MOB3B: variants seen among roughly 807,000 people sequenced by gnomAD.
The protein encoded by MOB3B is MOB kinase activator-like 2B.
MOB3B carries 7 observed loss-of-function variants against 18.7 expected under a neutral mutation model. The ratio of observed to expected loss-of-function variants is 0.37; its 90% CI spans 0.21 to 0.70. The LOEUF is 0.70. Ranked by LOEUF, MOB3B falls within the 30% of genes least tolerant of loss-of-function variation. The probability of loss-of-function intolerance (pLI) is 0.52; values close to 1 mark genes in which losing one functional copy is unlikely to be tolerated. For missense variants in MOB3B, 253 were observed against 281.3 expected (o/e 0.90, Z 0.72); for synonymous variants, 111 against 99.9 (o/e 1.11, Z -0.66).
chr9:27,442,607 A>G (rs1822610060), intron 2 of MOB3B, among the ~76,000 whole-genome samples: 1 of 152,060 alleles, frequency 6.6e-6, no homozygotes, highest in South Asian at 2.1e-4. Flanking sequence ...ACTGCTATTC[A>G]CCTTGGCTCC....
chr9:27,418,478 A>G (rs1397624815), intron 2 of MOB3B, among the ~76,000 whole-genome samples: 2 of 152,210 alleles, frequency 1.3e-5, no homozygotes, highest in Non-Finnish European at 2.9e-5. Flanking sequence ...TATCAAGAAG[A>G]TAATCCACCA....
intron 1 of MOB3B, among the ~76,000 whole-genome samples, chr9:27,513,758 A>C (rs969289543): frequency 6.6e-6 from 1 of 152,164 alleles, no homozygotes; most frequent in African/African-American, 2.4e-5. Context: ...CATAGCACTT[A>C]TAAAGCCTGG....
chr9:27,482,189 G>T (rs537082173), intron 1 of MOB3B, among the ~76,000 whole-genome samples: 1 of 152,126 alleles, frequency 6.6e-6, no homozygotes, highest in Admixed American at 6.5e-5. Flanking sequence ...TGTAATTTCC[G>T]CCCTGTTCAA....
At chr9:27,424,829 T>C (rs1485847824) in intron 2 of MOB3B, among the ~76,000 whole-genome samples, 1 of 152,160 alleles carries the variant, frequency 6.6e-6, no homozygotes, top group East Asian at 1.9e-4. Context: ...GGTGCATCAG[T>C]AGTAGCCATC....
intron 3 of MOB3B, among the ~76,000 whole-genome samples, chr9:27,344,395 T>C (rs1021023766): frequency 1.3e-5 from 2 of 152,218 alleles, no homozygotes; most frequent in African/African-American, 4.8e-5. Context: ...CTCCTTCTTT[T>C]AATGCAAAAT....
At chr9:27,526,575 G>C (rs1352233047) in intron 1 of MOB3B, 1 of 152,218 alleles carries the variant, frequency 6.6e-6, no homozygotes, top group Non-Finnish European at 1.5e-5. Context: ...CTGGAGGAAA[G>C]AGAATGGCTG....
At chr9:27,379,820 C>T (rs1302841116) in intron 2 of MOB3B, among the ~76,000 whole-genome samples, 1 of 152,180 alleles carries the variant, frequency 6.6e-6, no homozygotes, top group Non-Finnish European at 1.5e-5. Flanking sequence ...CTAACTATTT[C>T]TTTGGTCTAA....
At chr9:27,451,573 G>A (rs1048756874) in intron 2 of MOB3B, among the ~76,000 whole-genome samples, 1 of 152,138 alleles carries the variant, frequency 6.6e-6, no homozygotes, top group Non-Finnish European at 1.5e-5. Context: ...AGCTAACTAA[G>A]GATGAAGCTT....
intron 1 of MOB3B, among the ~76,000 whole-genome samples, chr9:27,463,951 T>A (rs1819335401): frequency 6.6e-6 from 1 of 151,912 alleles, no homozygotes; most frequent in Admixed American, 6.6e-5. Context: ...CATGAGACCC[T>A]GTCTCAAAAA....
chr9:27,455,809 T>A, intron 1 of MOB3B, 61 bp from the exon 2 acceptor site: 1 of 1,363,682 alleles, frequency 7.3e-7, no homozygotes, highest in South Asian at 1.6e-5. Context: ...AAAATGACAG[T>A]CTTCAACCTG....
chr9:27,488,296 C>T (rs1440895072), intron 1 of MOB3B, among the ~76,000 whole-genome samples: 2 of 152,200 alleles, frequency 1.3e-5, no homozygotes, highest in Non-Finnish European at 2.9e-5. Flanking sequence ...CTCAGAACTC[C>T]AACCATATCA....
At chr9:27,350,565 A>G (rs1240286958) in intron 3 of MOB3B, among the ~76,000 whole-genome samples, 1 of 152,226 alleles carries the variant, frequency 6.6e-6, no homozygotes. Context: ...GACATCAACA[A>G]GGGATGAATA....
intron 1 of MOB3B, among the ~76,000 whole-genome samples, chr9:27,464,441 C>A (rs929067085): frequency 5.3e-5 from 8 of 152,118 alleles, no homozygotes; most frequent in Non-Finnish European, 4.4e-5. Flanking sequence ...TATAATAAAT[C>A]TAATGCAATA....
chr9:27,457,888 CTT>C (rs1819205587), intron 1 of MOB3B, among the ~76,000 whole-genome samples: 1 of 152,120 alleles, frequency 6.6e-6, no homozygotes, highest in Non-Finnish European at 1.5e-5. Context: ...GGAGTGATCT[CTT>C]TTCCTAAAGA....
At chr9:27,387,030 C>G (rs974911171) in intron 2 of MOB3B, among the ~76,000 whole-genome samples, 2 of 152,080 alleles carry the variant, frequency 1.3e-5, no homozygotes, top group African/African-American at 4.8e-5. Flanking sequence ...GTTGCTTCTG[C>G]GTACCAAAAT....
intron 1 of MOB3B, chr9:27,524,513 T>C (rs754378611): frequency 6.2e-7 from 1 of 1,614,134 alleles, no homozygotes; most frequent in South Asian, 1.1e-5. Flanking sequence ...CTGTAGAATG[T>C]CTACGAGAAA....
At chr9:27,405,417 T>C (rs975740496) in intron 2 of MOB3B, among the ~76,000 whole-genome samples, 2 of 152,172 alleles carry the variant, frequency 1.3e-5, no homozygotes, top group Non-Finnish European at 2.9e-5. Flanking sequence ...GTCCATTTTT[T>C]AAATGGGATT....
chr9:27,498,675 T>C (rs1203673243), intron 1 of MOB3B, among the ~76,000 whole-genome samples: 1 of 152,222 alleles, frequency 6.6e-6, no homozygotes, highest in Non-Finnish European at 1.5e-5. Flanking sequence ...AAACCCTGAT[T>C]TGTAGTACTG....
rs1384099812 is a variant in MOB3B at position 27,455,674 on chromosome 9, T to G, written c.-124A>C. On this transcript the variant is annotated 5_prime_UTR_variant, in exon 2 of 4. Transcript: ENST00000262244. The stretch of plus-strand genomic sequence containing the variant: ...ACTCAGGCCCCAGTCTTACAGCCTG[T>G]AGCTTTTAAGCTCTTCTAAACAGCC... The G allele has an allele frequency of 1.3e-6, 2 of 1,533,528 alleles. No individual in the cohort carries two copies. Among genetic ancestry groups the G allele is most frequent in the Non-Finnish European group, 1.7e-6 (2 of 1,152,510 alleles). The allele number at this position is 1,533,528 out of a possible 1,614,324, so 95.0% of individuals were successfully genotyped here. A position where few individuals can be genotyped will look rare whatever the true frequency, so the allele number is the denominator to read the frequency against.
Sources: allele counts gnomAD v4.1 joint callset (sites outside exome capture counted in the v4.1 genomes callset), GRCh38; gene constraint gnomAD v4.1.1; transcripts MANE v1.5; gene names NCBI Gene and HGNC (gene_info 2026-07-23, HGNC 2026-07-21).